CELA3B: variants seen among roughly 807,000 people sequenced by gnomAD.
CELA3B encodes the protein chymotrypsin-like elastase family member 3B.
In CELA3B, 34 loss-of-function variants were observed where a neutral mutation model predicts 37.2. The ratio of observed to expected loss-of-function variants is 0.91; its 90% CI spans 0.70 to 1.22. The LOEUF (loss-of-function observed/expected upper bound fraction) is 1.22, where lower values mean the gene tolerates loss of function less well. CELA3B is among the 50% of genes most tolerant of loss of function. The probability of loss-of-function intolerance (pLI) is 0.00; values close to 1 mark genes in which losing one functional copy is unlikely to be tolerated. For missense variants in CELA3B, 340 were observed against 363.1 expected (o/e 0.94, Z 0.52); for synonymous variants, 127 against 143.5 (o/e 0.89, Z 0.82).
downstream of CELA3B, among the ~76,000 whole-genome samples, chr1:21,989,837 A>G (rs1452814321): frequency 6.6e-6 from 1 of 150,842 alleles, no homozygotes; most frequent in Non-Finnish European, 1.5e-5. Context: ...GTAAGGAGAC[A>G]TGGTTCCTGC....
chr1:21,979,365 C>T (rs528249123), intron 2 of CELA3B, among the ~76,000 whole-genome samples: 210 of 151,954 alleles, frequency 1.4e-3, no homozygotes, highest in Non-Finnish European at 2.7e-3. Flanking sequence ...AGTCACTGCA[C>T]CCAGCTGAAA....
intron 5 of CELA3B, 29 bp from the exon 6 acceptor site, chr1:21,984,160 C>G: frequency 6.2e-7 from 1 of 1,605,364 alleles, no homozygotes; most frequent in Non-Finnish European, 8.5e-7. Context: ...GCCCCCAGAC[C>G]CCTGACTCGG....
chr1:21,986,651 C>T lies in CELA3B; in HGVS notation c.763C>T (p.Arg255Ter), dbSNP rs372943878. ...NTRRKPTVFT[R>*]VSAFIDWIEE... ...CCGCAGGAAGCCCACGGTGTTCACT[C>T]GAGTCTCCGCCTTCATTGACTGGAT... The change falls in exon 7 of 8, where the codon CGA (arginine) becomes TGA (stop). Residue 255 changes from arginine (R) to a stop codon, truncating the protein, a stop_gained. Coordinates refer to ENST00000337107, the MANE Select transcript of CELA3B (RefSeq NM_007352.4). LOFTEE classifies it high-confidence loss of function. The T allele has an allele frequency of 5.1e-5, 83 of 1,613,846 alleles. No individual in the cohort carries two copies. Among genetic ancestry groups the T allele is most frequent in the Admixed American group, 6.7e-5 (4 of 59,920 alleles).
At chr1:21,997,028 T>C (rs1276016615) in intron 4 of CELA3B, among the ~76,000 whole-genome samples, 2 of 151,260 alleles carry the variant, frequency 1.3e-5, no homozygotes, top group African/African-American at 4.9e-5. Context: ...TCCAGAAACA[T>C]GGGCTCCAGA....
chr1:21,979,599 T>C (rs1196305949), intron 2 of CELA3B, among the ~76,000 whole-genome samples: 2 of 151,068 alleles, frequency 1.3e-5, no homozygotes, highest in Non-Finnish European at 3.0e-5. Context: ...ACTACAGGCA[T>C]GTGCCACCAT....
chr1:21,995,869 G>A (rs1644888146), intron 4 of CELA3B, among the ~76,000 whole-genome samples: 1 of 147,924 alleles, frequency 6.8e-6, no homozygotes, highest in Non-Finnish European at 1.5e-5. Context: ...CTTGTAGATG[G>A]CCACCTTCCC....
downstream of CELA3B, among the ~76,000 whole-genome samples, chr1:21,991,370 C>A (rs1028250540): frequency 6.8e-6 from 1 of 147,538 alleles, no homozygotes; most frequent in Non-Finnish European, 1.5e-5. Context: ...GAGTCTCGCT[C>A]TGTCGCCCAG....
downstream of CELA3B, among the ~76,000 whole-genome samples, chr1:21,994,354 A>T (rs1644880532): frequency 6.6e-6 from 1 of 150,382 alleles, no homozygotes; most frequent in African/African-American, 2.5e-5. Flanking sequence ...TGGCGAGGTG[A>T]CCTCTGCTCC....
At position 21,983,722 on chromosome 1, in the gene CELA3B, C is replaced by T. The variant is rs149805485; in HGVS notation, c.391C>T (p.Arg131Cys). 4.1e-3 allele frequency: 6,652 copies of T among 1,614,106 alleles called. 211 individuals are homozygous for T. The South Asian group carries it at 0.053, about 13-fold the overall frequency. Reference sequence around the variant, plus strand: ...TGACATCGCCCTCATCAAGCTCTCACGCAGCGCCCAGCTGGGAGACGCCGT... The same window carrying T: ...TGACATCGCCCTCATCAAGCTCTCATGCAGCGCCCAGCTGGGAGACGCCGT... The part of the protein sequence containing the change: ...GNDIALIKLS[R>C]SAQLGDAVQL... Residue 131 changes from arginine to cysteine, a missense_variant, in exon 5 of 8, where the codon CGC becomes TGC. Transcript: ENST00000337107.
chr1:21,982,112 T>C (rs1644809424), intron 4 of CELA3B, among the ~76,000 whole-genome samples: 1 of 152,162 alleles, frequency 6.6e-6, no homozygotes. Flanking sequence ...GCAGAACTCC[T>C]GCAAATGCAG....
intron 4 of CELA3B, among the ~76,000 whole-genome samples, chr1:21,995,096 A>C (rs1644884861): frequency 6.9e-6 from 1 of 145,782 alleles, no homozygotes; most frequent in African/African-American, 2.6e-5. Context: ...TGTGGAAGAG[A>C]CCTGTGGTGG....
chr1:21,989,594 G>T (rs1260071472), downstream of CELA3B, among the ~76,000 whole-genome samples: 2 of 148,276 alleles, frequency 1.3e-5, no homozygotes, highest in African/African-American at 2.5e-5. Context: ...CAGGAAAAAT[G>T]GGACAAGTTG....
In CELA3B at chr1:21,984,251, T is replaced by C; in HGVS notation, c.562T>C (p.Cys188Arg). The change falls in exon 6 of 8, where the codon TGC becomes CGC. Residue 188 changes from cysteine (C) to arginine (R), a missense_variant. Coordinates refer to ENST00000337107, the MANE Select transcript of CELA3B (RefSeq NM_007352.4). Reference sequence around the variant, plus strand: ...GCTGCCGGTGGTGGACTATGAACACTGCTCCAGGTGGAACTGGTGGGGTTC... The same window carrying C: ...GCTGCCGGTGGTGGACTATGAACACCGCTCCAGGTGGAACTGGTGGGGTTC... The part of the protein sequence containing the change: ...ALLPVVDYEH[C>R]SRWNWWGSSV... The C allele has an allele frequency of 6.2e-7, 1 of 1,614,172 alleles. No individual in the cohort carries two copies. The highest frequency in any genetic ancestry group is 1.1e-5 in the South Asian group (1 of 91,086).
chr1:21,994,974 C>A (rs1465275150), intron 4 of CELA3B, among the ~76,000 whole-genome samples: 5 of 133,222 alleles, frequency 3.8e-5, no homozygotes, highest in African/African-American at 1.2e-4. Flanking sequence ...TGCACCCCAG[C>A]CTGGGCGACA....
At chr1:21,983,312 G>A (rs12121300) in intron 4 of CELA3B, among the ~76,000 whole-genome samples, 8,301 of 151,866 alleles carry the variant, frequency 0.055, 543 homozygotes, top group African/African-American at 0.16. Context: ...CCGAGATCAT[G>A]CCACTGCACT....
intron 1 of CELA3B, among the ~76,000 whole-genome samples, chr1:21,977,427 C>T (rs1276931712): frequency 1.3e-5 from 2 of 152,156 alleles, no homozygotes; most frequent in African/African-American, 4.8e-5. Context: ...TCACACTCCC[C>T]CTACCTGGCT....
intron 2 of CELA3B, among the ~76,000 whole-genome samples, chr1:21,980,249 G>A (rs1644796307): frequency 6.9e-6 from 1 of 144,042 alleles, no homozygotes. Flanking sequence ...GGAGGCCGAG[G>A]TGGGCAGATC....
intron 2 of CELA3B, among the ~76,000 whole-genome samples, chr1:21,979,219 T>C (rs61776319): frequency 0.9 from 135,740 of 150,012 alleles, 62,193 homozygotes; most frequent in Non-Finnish European, 0.98. Context: ...ATTACAGGCA[T>C]GCGCCACCAA....
rs780177143 is a variant in CELA3B, at chr1:21,984,262, G to C, written c.573G>C (p.Trp191Cys). ...PVVDYEHCSR[W>C]NWWGSSVKKT... ...TGGACTATGAACACTGCTCCAGGTG[G>C]AACTGGTGGGGTTCCTCCGTGAAGA... The change falls in exon 6 of 8, where the codon TGG (tryptophan) becomes TGC (cysteine). Residue 191 changes from tryptophan to cysteine, a missense_variant. By Grantham distance (215) the Trp-to-Cys change is radical. Coordinates refer to ENST00000337107, the MANE Select transcript of CELA3B (RefSeq NM_007352.4). 6.2e-6 allele frequency: 10 copies of C among 1,614,088 alleles called. No homozygotes were observed. In the South Asian group the frequency reaches 1.1e-4, roughly 18 times the overall value.
Sources: allele counts gnomAD v4.1 joint callset (sites outside exome capture counted in the v4.1 genomes callset), GRCh38; gene constraint gnomAD v4.1.1; transcripts MANE v1.5; gene names NCBI Gene and HGNC (gene_info 2026-07-23, HGNC 2026-07-21).